The following PREX2 variants were observed in gnomAD, a reference collection of about 807,000 sequenced individuals.
PREX2 encodes the protein phosphatidylinositol-3,4,5-trisphosphate dependent Rac exchange factor 2.
A neutral mutation model predicts 203.2 loss-of-function variants in PREX2; 107 were observed. That is an observed-to-expected ratio of 0.53 (90% CI 0.45 to 0.62). PREX2 has a LOEUF of 0.62. Among genes scored for constraint, PREX2 ranks in the 20% least tolerant of loss-of-function variants. The probability of loss-of-function intolerance (pLI) is 0.00; values close to 1 mark genes in which losing one functional copy is unlikely to be tolerated. For missense variants in PREX2, 1,777 were observed against 1,955.9 expected (o/e 0.91, Z 1.72); for synonymous variants, 672 against 663.6 (o/e 1.01, Z -0.19).
At chr8:68,047,652 G>T (rs1808409007) in intron 8 of PREX2, among the ~76,000 whole-genome samples, 2 of 151,132 alleles carry the variant, frequency 1.3e-5, no homozygotes, top group South Asian at 2.1e-4. Context: ...AGCCTCAGTA[G>T]GTGGGACTAC....
intron 18 of PREX2, among the ~76,000 whole-genome samples, chr8:68,083,804 ACTGAAAGATAATC>A (rs1809602458): frequency 6.6e-6 from 1 of 152,206 alleles, no homozygotes; most frequent in African/African-American, 2.4e-5. Context: ...TGCAAAAAAG[ACTGAAAGATAATC>A]CATACTTGCA....
Position 68,037,900 on chromosome 8 carries a change from C to T in PREX2, c.706-259C>T, listed in dbSNP as rs188931286. 6.6e-4 allele frequency among the ~76,000 whole-genome samples: 101 copies of T among 152,212 alleles called. No individual in the cohort carries two copies. The East Asian group carries it at 7.7e-3, about 12-fold the overall frequency. ...TGACATAGGTGACATGTATTCTATACGCTTGTGTATGTACACAACACACCT... is the reference window on the plus strand; with the variant it reads ...TGACATAGGTGACATGTATTCTATATGCTTGTGTATGTACACAACACACCT... On this transcript the variant is annotated intron_variant, in intron 6 of 39. Coordinates refer to ENST00000288368, the MANE Select transcript of PREX2 (RefSeq NM_024870.4).
At chr8:68,054,804 T>G (rs1278574135) in intron 9 of PREX2, among the ~76,000 whole-genome samples, 1 of 152,342 alleles carries the variant, frequency 6.6e-6, no homozygotes, top group East Asian at 1.9e-4. Flanking sequence ...ATGTCCACAC[T>G]AGGCATACTT....
intron 33 of PREX2, among the ~76,000 whole-genome samples, chr8:68,145,779 G>A (rs1355248606): frequency 6.6e-6 from 1 of 152,082 alleles, no homozygotes; most frequent in Non-Finnish European, 1.5e-5. Flanking sequence ...AGAGCTTGCA[G>A]AACCCATGCT....
At chr8:68,055,801 T>A (rs1299170594) in intron 9 of PREX2, 29 bp from the exon 10 acceptor site, 8 of 1,598,560 alleles carry the variant, frequency 5.0e-6, no homozygotes, top group African/African-American at 1.4e-5. Context: ...GAATTTTCAG[T>A]TACCTCTCCT....
intron 7 of PREX2, among the ~76,000 whole-genome samples, chr8:68,041,942 C>T (rs1256966077): frequency 2.6e-5 from 4 of 152,036 alleles, no homozygotes; most frequent in Non-Finnish European, 5.9e-5. Flanking sequence ...AAATTAAAAT[C>T]CTGCTATTTA....
At chr8:68,019,385 C>T (rs542669436) in intron 2 of PREX2, among the ~76,000 whole-genome samples, 164 bp from the exon 3 acceptor site, 11 of 152,240 alleles carry the variant, frequency 7.2e-5, no homozygotes, top group African/African-American at 2.2e-4. Context: ...AGAGTTGTGT[C>T]GGCGGCGTGA....
chr8:68,034,590 T>A (rs1021672201), intron 6 of PREX2, among the ~76,000 whole-genome samples: 1 of 152,160 alleles, frequency 6.6e-6, no homozygotes, highest in South Asian at 2.1e-4. Context: ...ATAAATGAGA[T>A]TCAAGATAAG....
At chr8:68,225,600 A>G (rs549710338) in intron 39 of PREX2, among the ~76,000 whole-genome samples, 5 of 152,324 alleles carry the variant, frequency 3.3e-5, no homozygotes, top group South Asian at 2.1e-4. Flanking sequence ...GTAATATTTC[A>G]TTCTGAAAAA....
At position 68,053,166 on chromosome 8, in the gene PREX2, GGTTT is replaced by G; in HGVS notation, c.1020_1023del (p.Cys341TrpfsTer16). On this transcript the variant is annotated frameshift_variant, in exon 9 of 40. Coordinates refer to ENST00000288368, the MANE Select transcript of PREX2 (RefSeq NM_024870.4). LOFTEE classifies it high-confidence loss of function. ...ATACATAACACAGCAAAAAATAAAT[GGTTT>G]GTTTGTATGGCAAAAACACCTGAAG... 2 of 1,613,600 alleles carry G rather than the reference GGTTT, an allele frequency of 1.2e-6. No individual in the cohort carries two copies. The highest frequency in any genetic ancestry group is 4.5e-5 in the East Asian group (2 of 44,850).
At chr8:68,184,455 A>T (rs574509319) in intron 35 of PREX2, among the ~76,000 whole-genome samples, 3 of 152,202 alleles carry the variant, frequency 2.0e-5, no homozygotes, top group Non-Finnish European at 4.4e-5. Flanking sequence ...AATGCAGAAC[A>T]CTTGATCAAA....
chr8:67,968,986 A>G (rs1409408614), intron 1 of PREX2, among the ~76,000 whole-genome samples: 3 of 152,336 alleles, frequency 2.0e-5, no homozygotes, highest in East Asian at 1.9e-4. Flanking sequence ...AGAATTTTCA[A>G]TCCATCAGTA....
intron 22 of PREX2, 69 bp downstream of exon 22, chr8:68,097,270 C>T (rs1810112205): frequency 1.5e-6 from 2 of 1,301,682 alleles, no homozygotes; most frequent in Non-Finnish European, 2.1e-6. Flanking sequence ...CCCTCTCCTT[C>T]ACTTAAAAAA....
At chr8:68,021,037 GTCTT>G (rs1807552891) in intron 3 of PREX2, among the ~76,000 whole-genome samples, 2 of 152,090 alleles carry the variant, frequency 1.3e-5, no homozygotes, top group Non-Finnish European at 2.9e-5. Context: ...AATTTTTTGT[GTCTT>G]TCTTTTATTG....
chr8:68,012,012 A>C (rs966982833), intron 1 of PREX2, among the ~76,000 whole-genome samples: 2 of 152,144 alleles, frequency 1.3e-5, no homozygotes, highest in African/African-American at 4.8e-5. Context: ...TTCTGTCAAT[A>C]ATGGTCCTGA....
chr8:67,975,297 T>A (rs958920258), intron 1 of PREX2, among the ~76,000 whole-genome samples: 3 of 137,550 alleles, frequency 2.2e-5, no homozygotes, highest in African/African-American at 8.1e-5. Flanking sequence ...TTTTTTTTTT[T>A]TTGGTGTGTG....
chr8:68,194,496 A>T (rs1812356270), intron 37 of PREX2, among the ~76,000 whole-genome samples: 1 of 152,076 alleles, frequency 6.6e-6, no homozygotes, highest in Non-Finnish European at 1.5e-5. Context: ...CTGGTATAAA[A>T]TGAAGGAGTG....
chr8:68,109,456 A>C lies in PREX2; in HGVS notation c.2979A>C (p.Thr993=). 6.2e-7 allele frequency: 1 copy of C among 1,614,038 alleles called. No homozygotes were observed. Among genetic ancestry groups the C allele is most frequent in the Non-Finnish European group, 8.5e-7 (1 of 1,179,904 alleles). The part of the protein sequence containing the change: ...SPMVYIQHTI[T]TMAAPSGLSL... Reference sequence around the variant, plus strand: ...TGGTGTACATTCAGCACACCATCACAACCATGGCGGCCCCTTCAGGTCTGT... The same window carrying C: ...TGGTGTACATTCAGCACACCATCACCACCATGGCGGCCCCTTCAGGTCTGT... Residue 993 remains threonine, a synonymous_variant, in exon 25 of 40, where the codon ACA becomes ACC. Coordinates refer to ENST00000288368, the MANE Select transcript of PREX2 (RefSeq NM_024870.4).
chr8:68,022,503 G>A (rs1327591095), intron 4 of PREX2, among the ~76,000 whole-genome samples: 4 of 152,122 alleles, frequency 2.6e-5, no homozygotes, highest in African/African-American at 4.8e-5. Flanking sequence ...GAAGAAAATC[G>A]TGGATATGGT....
Sources: allele counts gnomAD v4.1 joint callset (sites outside exome capture counted in the v4.1 genomes callset), GRCh38; gene constraint gnomAD v4.1.1; transcripts MANE v1.5; gene names NCBI Gene and HGNC (gene_info 2026-07-23, HGNC 2026-07-21).